Variants in GGA3 observed in about 807,000 individuals in gnomAD.
The protein encoded by GGA3 is golgi associated, gamma adaptin ear containing, ARF binding protein 3, also known as ADP-ribosylation factor-binding protein GGA3.
A neutral mutation model predicts 77.5 loss-of-function variants in GGA3; 57 were observed. That is an observed-to-expected ratio of 0.74 (90% confidence interval 0.59 to 0.92). The LOEUF (loss-of-function observed/expected upper bound fraction) is 0.92, where lower values mean the gene tolerates loss of function less well. Among genes scored for constraint, GGA3 ranks in the 40% least tolerant of loss-of-function variants. GGA3 has a pLI of 0.00. For missense variants in GGA3, 970 were observed against 914.9 expected (o/e 1.06, Z -0.78); for synonymous variants, 416 against 383.7 (o/e 1.08, Z -0.98).
At chr17:75,259,387 A>G (rs1244380032) in intron 1 of GGA3, among the ~76,000 whole-genome samples, 1 of 152,204 alleles carries the variant, frequency 6.6e-6, no homozygotes, top group African/African-American at 2.4e-5. Flanking sequence ...AGTCATCAAG[A>G]GATGGTTTGT....
chr17:75,242,109 A>C, intron 8 of GGA3: 1 of 597,880 alleles, frequency 1.7e-6, no homozygotes, highest in South Asian at 2.0e-5. Context: ...AGTCAGACTC[A>C]GGTTTCCATC....
rs750731901 is a variant in GGA3 at position 75,261,571 on chromosome 17, C to T, written c.17G>A (p.Gly6Glu). The change falls in exon 1 of 17, where the codon GGG becomes GAG. Residue 6 changes from glycine to glutamate, a missense_variant. By Grantham distance (98) the Gly-to-Glu change is moderately conservative. Coordinates refer to ENST00000537686, the MANE Select transcript of GGA3 (RefSeq NM_138619.4). ...ACTGAGCCAGGACTCCAGGCTTTCC[C>T]CTTCCGCCTCCGCCATATTGCAGCC... Reference protein sequence around the residue: MAEAEGESLESWLNKA... With the variant: MAEAEEESLESWLNKA... 2 of 1,554,934 alleles carry T rather than the reference C, an allele frequency of 1.3e-6. No individual in the cohort carries two copies. Among genetic ancestry groups the T allele is most frequent in the East Asian group, 2.3e-5 (1 of 42,604 alleles).
At position 75,261,535 on chromosome 17, in the gene GGA3, C is replaced by T; in HGVS notation, c.40+13G>A. 6.6e-7 allele frequency: 1 copy of T among 1,517,438 alleles called. No individual in the cohort carries two copies. Among genetic ancestry groups the T allele is most frequent in the Non-Finnish European group, 8.8e-7 (1 of 1,132,856 alleles). The allele number at this position is 1,517,438 out of a possible 1,614,324, so 94.0% of individuals were successfully genotyped here. A position where few individuals can be genotyped will look rare whatever the true frequency, so the allele number is the denominator to read the frequency against. ...CGGCTCGAGGGCAGGCAGAAACGGC[C>T]GCGGCTACTCACTGAGCCAGGACTC... On this transcript the variant is annotated intron_variant, in intron 1 of 16. Transcript: ENST00000537686.
rs576626947 is a variant in GGA3 at position 75,242,259 on chromosome 17, G to A, written c.747+77C>T. The A allele has an allele frequency of 3.0e-5, 44 of 1,487,786 alleles. No individual in the cohort carries two copies. In the Admixed American group the frequency reaches 3.2e-4, roughly 11 times the overall value. The allele number at this position is 1,487,786 out of a possible 1,614,324, so 92.2% of individuals were successfully genotyped here. Reference sequence around the variant, plus strand: ...ACAGCCCGTGTCTCTGACAAGGCACGTGCTCAGCAAATGCTGGCTGAGCTC... The same window carrying A: ...ACAGCCCGTGTCTCTGACAAGGCACATGCTCAGCAAATGCTGGCTGAGCTC... On this transcript the variant is annotated intron_variant, in intron 8 of 16. Transcript: ENST00000537686.
At chr17:75,241,278 G>T in intron 10 of GGA3, 122 bp downstream of exon 10, 1 of 780,604 alleles carries the variant, frequency 1.3e-6, no homozygotes, top group Non-Finnish European at 2.2e-6. Flanking sequence ...GCTTGGAATG[G>T]CAAAGAACTC....
chr17:75,262,221 G>T, upstream of GGA3: 2 of 642,678 alleles, frequency 3.1e-6, no homozygotes, highest in Non-Finnish European at 5.3e-6. Flanking sequence ...CAGCTAAAGA[G>T]CTCAGATCTG....
intron 3 of GGA3, among the ~76,000 whole-genome samples, chr17:75,245,329 G>A (rs984670029): frequency 3.3e-5 from 5 of 152,162 alleles, no homozygotes; most frequent in African/African-American, 1.2e-4. Flanking sequence ...GGTGAGGCCT[G>A]GCTGACATTT....
At chr17:75,257,688 C>G (rs1219944776) in intron 1 of GGA3, among the ~76,000 whole-genome samples, 2 of 152,166 alleles carry the variant, frequency 1.3e-5, no homozygotes, top group African/African-American at 2.4e-5. Context: ...CTCCCTTCGG[C>G]TTAATCTCTC....
In GGA3 at chr17:75,244,685, C is replaced by G; in HGVS notation, c.234G>C (p.Arg78Ser). ...VLEACMKNCG[R>S]RFHNEVGKFR... ...ACTTCCCCACTTCGTTATGAAATCT[C>G]CTCCCACAGTTCTTCATGCATGCCT... The change falls in exon 4 of 17, where the codon AGG becomes AGC. Residue 78 changes from arginine (R) to serine (S), a missense_variant. Coordinates refer to ENST00000537686, the MANE Select transcript of GGA3 (RefSeq NM_138619.4). The G allele has an allele frequency of 3.7e-6, 6 of 1,613,960 alleles. No homozygotes were observed. The highest frequency in any genetic ancestry group is 5.1e-6 in the Non-Finnish European group (6 of 1,179,794).
Position 75,246,435 on chromosome 17 carries a change from G to A in GGA3, c.201+74C>T, listed in dbSNP as rs554570116. 7.0e-4 allele frequency: 688 copies of A among 983,212 alleles called. 1 individual carries two copies. Among genetic ancestry groups the A allele is most frequent in the Non-Finnish European group, 1.0e-3 (624 of 609,120 alleles). 60.9% of individuals were successfully genotyped at this position (983,212 alleles called of 1,614,324 possible). A position where few individuals can be genotyped will look rare whatever the true frequency, so the allele number is the denominator to read the frequency against. On this transcript the variant is annotated intron_variant, in intron 3 of 16. Transcript: ENST00000537686. ...GCTTTTGGCAGGAGCCCTAAGAACC[G>A]CTATGGGGACACGAGGAATGGCGTG...
At chr17:75,251,661 G>C (rs2076969797) in intron 1 of GGA3, among the ~76,000 whole-genome samples, 1 of 134,246 alleles carries the variant, frequency 7.4e-6, no homozygotes, top group Admixed American at 8.2e-5. Flanking sequence ...AGCTGAGATT[G>C]TGCCACTGCA....
intron 10 of GGA3, 32 bp from the exon 11 acceptor site, chr17:75,241,089 A>C: frequency 6.2e-7 from 1 of 1,613,584 alleles, no homozygotes; most frequent in Admixed American, 1.7e-5. Context: ...AACAGGAATA[A>C]TTAGGGGTCT....
chr17:75,237,869 G>A lies in GGA3; in HGVS notation c.*410C>T, dbSNP rs2076374755. On this transcript the variant is annotated 3_prime_UTR_variant, in exon 17 of 17. Coordinates refer to ENST00000537686, the MANE Select transcript of GGA3 (RefSeq NM_138619.4). ...GGGCCGTGCATCTGTCAGGTGTGAG[G>A]ATGTGGCTCTTGTGGGGAATGACCC... 1.4e-6 allele frequency: 2 copies of A among 1,394,884 alleles called. No individual in the cohort carries two copies. Among genetic ancestry groups the A allele is most frequent in the South Asian group, 1.7e-5 (1 of 58,574 alleles). The allele number at this position is 1,394,884 out of a possible 1,614,324, so 86.4% of individuals were successfully genotyped here. A position where few individuals can be genotyped will look rare whatever the true frequency, so the allele number is the denominator to read the frequency against.
Position 75,237,658 on chromosome 17 carries a change from G to A in GGA3, c.*621C>T. The A allele has an allele frequency of 6.7e-7, 1 of 1,494,894 alleles. No homozygotes were observed. Among genetic ancestry groups the A allele is most frequent in the Middle Eastern group, 1.8e-4 (1 of 5,654 alleles). The allele number at this position is 1,494,894 out of a possible 1,614,324, so 92.6% of individuals were successfully genotyped here. ...CACAGCCTGCCACTGCCAGGGACAA[G>A]CACACAACTCATCACTCCGTGGCCA... On this transcript the variant is annotated 3_prime_UTR_variant, in exon 17 of 17. Transcript: ENST00000537686.
chr17:75,247,498 G>T (rs942449843), intron 1 of GGA3, among the ~76,000 whole-genome samples: 1 of 152,162 alleles, frequency 6.6e-6, no homozygotes, highest in Non-Finnish European at 1.5e-5. Flanking sequence ...CCGACCTCAG[G>T]TGATCGGCCC....
Position 75,239,911 on chromosome 17 carries a change from T to C in GGA3, c.1461A>G (p.Gly487=), listed in dbSNP as rs2076474810. Residue 487 remains glycine, a synonymous_variant, in exon 13 of 17, where the codon GGA becomes GGG. Coordinates refer to ENST00000537686, the MANE Select transcript of GGA3 (RefSeq NM_138619.4). The part of the protein sequence containing the change: ...PSAGSSLFST[G]VAPALAPKVE... ...CTTTTGGGGCCAAGGCTGGGGCCAC[T>C]CCAGTAGAAAACAAGGAGGAGCCCG... 1.2e-6 allele frequency: 2 copies of C among 1,612,238 alleles called. No individual in the cohort carries two copies. The highest frequency in any genetic ancestry group is 1.7e-4 in the Middle Eastern group (1 of 6,016).
intron 3 of GGA3, among the ~76,000 whole-genome samples, chr17:75,245,545 CA>C (rs2076725319): frequency 6.6e-6 from 1 of 151,692 alleles, no homozygotes; most frequent in African/African-American, 2.4e-5. Context: ...TGTTTTTTGA[CA>C]CAGAATCTCG....
At position 75,242,855 on chromosome 17, in the gene GGA3, C is replaced by T. The variant is rs770949971; in HGVS notation, c.585G>A (p.Lys195=). The T allele has an allele frequency of 3.1e-6, 5 of 1,613,950 alleles. No individual in the cohort carries two copies. The highest frequency in any genetic ancestry group is 2.2e-5 in the South Asian group (2 of 91,082). The change falls in exon 7 of 17, where the codon AAG becomes AAA. Residue 195 remains lysine, a synonymous_variant. Coordinates refer to ENST00000537686, the MANE Select transcript of GGA3 (RefSeq NM_138619.4). ...CTTCCTTCACCATGGACTTGATGAG[C>T]TTGTTGGCCTCCTGCAGGTCATCTG... The part of the protein sequence containing the change: ...KNPDDLQEAN[K]LIKSMVKEDE...
intron 1 of GGA3, among the ~76,000 whole-genome samples, chr17:75,260,351 C>T (rs1395600441): frequency 6.6e-6 from 1 of 152,172 alleles, no homozygotes; most frequent in Non-Finnish European, 1.5e-5. Flanking sequence ...GGCAGTAGTG[C>T]CTGCTTTGCT....
Sources: allele counts gnomAD v4.1 joint callset (sites outside exome capture counted in the v4.1 genomes callset), GRCh38; gene constraint gnomAD v4.1.1; transcripts MANE v1.5; gene names NCBI Gene and HGNC (gene_info 2026-07-23, HGNC 2026-07-21).